The following RANGAP1 variants were observed in gnomAD, a reference collection of about 807,000 sequenced individuals.
The protein encoded by RANGAP1 is Ran GTPase activating protein 1.
In RANGAP1, 38 loss-of-function variants were observed where a neutral mutation model predicts 63.5. The observed-to-expected ratio is 0.60, with a 90% CI of 0.46 to 0.78. The LOEUF (loss-of-function observed/expected upper bound fraction) is 0.78. Ranked by LOEUF, RANGAP1 falls within the 30% of genes least tolerant of loss-of-function variation. RANGAP1 has a pLI of 0.00. For missense variants in RANGAP1, 630 were observed against 740.3 expected (o/e 0.85, Z 1.73); for synonymous variants, 329 against 310.5 (o/e 1.06, Z -0.63).
chr22:41,273,449 G>A (rs1007860250), intron 3 of RANGAP1, among the ~76,000 whole-genome samples: 3 of 152,108 alleles, frequency 2.0e-5, no homozygotes, highest in Non-Finnish European at 4.4e-5. Flanking sequence ...TGGCCAAAAA[G>A]GGCACCACTT....
chr22:41,254,252 G>A (rs1373650249), intron 11 of RANGAP1, 56 bp downstream of exon 11: 9 of 1,603,356 alleles, frequency 5.6e-6, no homozygotes, highest in South Asian at 2.2e-5. Flanking sequence ...AAAGTGCCTC[G>A]GGATTTCACG....
At position 41,246,687 on chromosome 22, in the gene RANGAP1, G is replaced by A. The variant is rs1374645826; in HGVS notation, c.1695-15C>T. Reference sequence around the variant, plus strand: ...CGCTGTTGGGCCTGCGGGGAAAGAGGGGTCAGCAGGTCGGTGGATGCCTCT... The same window carrying A: ...CGCTGTTGGGCCTGCGGGGAAAGAGAGGTCAGCAGGTCGGTGGATGCCTCT... On this transcript the variant is annotated splice_polypyrimidine_tract_variant and intron_variant, in intron 15 of 15. Coordinates refer to ENST00000356244, the MANE Select transcript of RANGAP1 (RefSeq NM_002883.4). The A allele has an allele frequency of 1.3e-6, 2 of 1,549,548 alleles. 1 individual carries two copies. The highest frequency in any genetic ancestry group is 2.4e-5 in the South Asian group (2 of 84,574).
At chr22:41,260,570 G>A (rs773811011) in intron 6 of RANGAP1, among the ~76,000 whole-genome samples, 1 of 152,206 alleles carries the variant, frequency 6.6e-6, no homozygotes, top group South Asian at 2.1e-4. Context: ...AAGAGGGGCC[G>A]GACGTGGTGG....
chr22:41,297,857 A>ATT, the RANGAP1 span, among the ~76,000 whole-genome samples: 1 of 144,526 alleles, frequency 6.9e-6, no homozygotes, highest in African/African-American at 2.5e-5. Context: ...CGCCCAGCTA[A>ATT]TTTTTTTTTT....
chr22:41,255,488 G>A (rs968247248), intron 10 of RANGAP1, among the ~76,000 whole-genome samples: 14 of 151,608 alleles, frequency 9.2e-5, no homozygotes, highest in African/African-American at 2.9e-4. Context: ...TAGAGTCAGC[G>A]TCTTAAGAAC....
In RANGAP1 at chr22:41,247,758, C is replaced by G. The variant is rs562965408; in HGVS notation, c.1695-1086G>C. Among the ~76,000 whole-genome samples, 15 of 152,356 alleles carry G rather than the reference C, an allele frequency of 9.8e-5. No homozygotes were observed. In the East Asian group the frequency reaches 2.3e-3, roughly 24 times the overall value. Reference sequence around the variant, plus strand: ...GGGACGCAGCCAGGACCAGGCCTGACAACACCTCTGGCCTGAAGCCAGTGA... The same window carrying G: ...GGGACGCAGCCAGGACCAGGCCTGAGAACACCTCTGGCCTGAAGCCAGTGA... On this transcript the variant is annotated intron_variant, in intron 15 of 15. Transcript: ENST00000356244.
At chr22:41,295,364 T>C in the RANGAP1 span, among the ~76,000 whole-genome samples, 11 of 151,944 alleles carry the variant, frequency 7.2e-5, no homozygotes, top group African/African-American at 2.4e-4. Flanking sequence ...AGAAAAATTC[T>C]TCTGCCTTGG....
intron 3 of RANGAP1, among the ~76,000 whole-genome samples, chr22:41,272,577 G>A (rs1163915288): frequency 2.6e-5 from 4 of 152,016 alleles, no homozygotes; most frequent in East Asian, 1.9e-4. Flanking sequence ...CTGGAGGGCA[G>A]TGGCGTGATC....
rs781568180 is a variant in RANGAP1 at position 41,256,001 on chromosome 22, G to A, written c.1073+20C>T. ...GGAATGGCCTGACCCCGACCTCTGGGGCCACCCCGAGTTCCCTACCTGAGG... is the reference window on the plus strand; with the variant it reads ...GGAATGGCCTGACCCCGACCTCTGGAGCCACCCCGAGTTCCCTACCTGAGG... On this transcript the variant is annotated intron_variant, in intron 10 of 15. Transcript: ENST00000356244. The A allele has an allele frequency of 1.2e-6, 2 of 1,609,550 alleles. No individual in the cohort carries two copies. The highest frequency in any genetic ancestry group is 1.7e-6 in the Non-Finnish European group (2 of 1,178,382).
At position 41,274,683 on chromosome 22, in the gene RANGAP1, C is replaced by A. The variant is rs776132749; in HGVS notation, c.157G>T (p.Ala53Ser). ...ACTGTGTTGCCTTCCAGACGCAGAG[C>A]CTCCAAGCTGTCAAAGTCTTCAATC... ...KEIEDFDSLE[A>S]LRLEGNTVGV... is the part of the protein sequence containing the mutation. Residue 53 changes from alanine to serine, a missense_variant, in exon 3 of 16, where the codon GCT becomes TCT. Coordinates refer to ENST00000356244, the MANE Select transcript of RANGAP1 (RefSeq NM_002883.4). 23 of 1,614,094 alleles carry A rather than the reference C, an allele frequency of 1.4e-5. No individual in the cohort carries two copies. Among genetic ancestry groups the A allele is most frequent in the South Asian group, 5.5e-5 (5 of 91,092 alleles).
chr22:41,279,380 G>C (rs991327943), intron 2 of RANGAP1, among the ~76,000 whole-genome samples: 6 of 151,772 alleles, frequency 4.0e-5, no homozygotes, highest in Admixed American at 6.6e-5. Flanking sequence ...TGAGGCAGGA[G>C]AATGGCGTGA....
At chr22:41,261,041 T>C (rs1601630555) in intron 6 of RANGAP1, among the ~76,000 whole-genome samples, 1 of 152,144 alleles carries the variant, frequency 6.6e-6, no homozygotes, top group African/African-American at 2.4e-5. Flanking sequence ...CGGCTGCCCC[T>C]GCCTATCTCC....
In RANGAP1 at chr22:41,256,696, C is replaced by T. The variant is rs750691380; in HGVS notation, c.888+15G>A. On this transcript the variant is annotated intron_variant, in intron 8 of 15. Coordinates refer to ENST00000356244, the MANE Select transcript of RANGAP1 (RefSeq NM_002883.4). Reference sequence around the variant, plus strand: ...CAGACCCCAGAGGGAGGACGTCAGGCGTCCAGGCTGGCACCTTTAGCTTGG... The same window carrying T: ...CAGACCCCAGAGGGAGGACGTCAGGTGTCCAGGCTGGCACCTTTAGCTTGG... 1.4e-5 allele frequency: 22 copies of T among 1,609,358 alleles called. No individual in the cohort carries two copies. The highest frequency in any genetic ancestry group is 1.3e-5 in the African/African-American group (1 of 74,822).
At chr22:41,294,043 T>TCTCCCTCTCCCTCTCCCC in the RANGAP1 span, among the ~76,000 whole-genome samples, 1 of 151,114 alleles carries the variant, frequency 6.6e-6, no homozygotes, top group Admixed American at 6.6e-5. Flanking sequence ...TCCTTCTCCC[T>TCTCCCTCTCCCTCTCCCC]CTCCCTCTCC....
At chr22:41,286,774 G>A (rs2035763420), upstream of RANGAP1, among the ~76,000 whole-genome samples, 1 of 152,196 alleles carries the variant, frequency 6.6e-6, no homozygotes, top group Non-Finnish European at 1.5e-5. Flanking sequence ...AGCAGGACAA[G>A]CTGACATTCA....
chr22:41,279,131 AG>A (rs1569209482), intron 2 of RANGAP1, among the ~76,000 whole-genome samples: 3 of 149,580 alleles, frequency 2.0e-5, no homozygotes, highest in African/African-American at 7.4e-5. Flanking sequence ...TAACAGAGCG[AG>A]ACTCCGTCTC....
intron 11 of RANGAP1, among the ~76,000 whole-genome samples, chr22:41,254,056 C>T (rs569914964): frequency 3.2e-4 from 47 of 148,952 alleles, no homozygotes; most frequent in Admixed American, 2.2e-3. Flanking sequence ...TGCAGTGAGC[C>T]GAGATCACAC....
upstream of RANGAP1, among the ~76,000 whole-genome samples, chr22:41,287,928 G>C (rs1341954235): frequency 6.6e-6 from 1 of 152,184 alleles, no homozygotes; most frequent in African/African-American, 2.4e-5. Context: ...GGAGGTTGCA[G>C]TGAGCCGAGA....
At chr22:41,246,798 GC>G in intron 15 of RANGAP1, 126 bp from the exon 16 acceptor site, 1 of 894,076 alleles carries the variant, frequency 1.1e-6, no homozygotes, top group Non-Finnish European at 1.8e-6. Flanking sequence ...AGAGACATTA[GC>G]CCTCTGCCTT....
Sources: allele counts gnomAD v4.1 joint callset (sites outside exome capture counted in the v4.1 genomes callset), GRCh38; gene constraint gnomAD v4.1.1; transcripts MANE v1.5; gene names NCBI Gene and HGNC (gene_info 2026-07-23, HGNC 2026-07-21).